TMEM131: variants seen among roughly 807,000 people sequenced by gnomAD.
TMEM131 encodes the protein 2610524E03Rik.
Under a neutral mutation model 211.6 loss-of-function variants are expected in TMEM131, and 66 were observed. The observed-to-expected ratio is 0.31, with a 90% CI of 0.26 to 0.38. TMEM131 has a LOEUF of 0.38. Ranked by LOEUF, TMEM131 falls within the 10% of genes least tolerant of loss-of-function variation. TMEM131 has a pLI of 1.00. For synonymous variants in TMEM131, 844 were observed against 841.3 expected, an observed-to-expected ratio of 1.00 and a Z score of -0.06; for missense variants, 2,036 against 2,299.3, an observed-to-expected ratio of 0.89 and a Z score of 2.34.
intron 3 of TMEM131, among the ~76,000 whole-genome samples, chr2:97,896,654 T>C (rs1287314309): frequency 6.6e-6 from 1 of 152,190 alleles, no homozygotes; most frequent in East Asian, 1.9e-4. Flanking sequence ...TGGTTTCAAG[T>C]CTGTTTCATC....
intron 29 of TMEM131, among the ~76,000 whole-genome samples, chr2:97,794,093 T>G (rs1429459736): frequency 6.6e-6 from 1 of 151,326 alleles, no homozygotes; most frequent in Non-Finnish European, 1.5e-5. Context: ...TGAGACAAAG[T>G]TTCGCTCTTA....
chr2:97,808,116 T>C (rs994571809), intron 19 of TMEM131, among the ~76,000 whole-genome samples: 3 of 152,180 alleles, frequency 2.0e-5, no homozygotes, highest in Non-Finnish European at 2.9e-5. Context: ...TTCATATACA[T>C]TTATATGCAT....
At chr2:97,823,760 C>A (rs1376394383) in intron 11 of TMEM131, among the ~76,000 whole-genome samples, 2 of 152,166 alleles carry the variant, frequency 1.3e-5, no homozygotes, top group African/African-American at 4.8e-5. Context: ...GGAAGAAAAT[C>A]CTTCTGCCTT....
intron 4 of TMEM131, among the ~76,000 whole-genome samples, chr2:97,881,519 T>C (rs2104206125): frequency 6.6e-6 from 1 of 151,932 alleles, no homozygotes; most frequent in African/African-American, 2.4e-5. Context: ...TGACTCTTTT[T>C]AGAGTAAAAA....
At chr2:97,781,475 A>C (rs1445528017) in intron 31 of TMEM131, among the ~76,000 whole-genome samples, 1 of 152,208 alleles carries the variant, frequency 6.6e-6, no homozygotes, top group Non-Finnish European at 1.5e-5. Context: ...GATTAGTACC[A>C]ATCTGTGGCT....
chr2:97,767,596 A>G (rs534261934), intron 33 of TMEM131, among the ~76,000 whole-genome samples: 23 of 152,352 alleles, frequency 1.5e-4, no homozygotes, highest in African/African-American at 5.5e-4. Context: ...ATCTTCCAAG[A>G]ATCCTCAGGG....
intron 30 of TMEM131, 176 bp from the exon 31 acceptor site, chr2:97,793,160 T>C: frequency 4.6e-6 from 3 of 645,608 alleles, no homozygotes; most frequent in Non-Finnish European, 7.7e-6. Flanking sequence ...TGAACATTTA[T>C]AATTTACCAT....
chr2:97,831,664 CTTTTTTTTTT>C (rs11378393), intron 11 of TMEM131, among the ~76,000 whole-genome samples: 3 of 80,614 alleles, frequency 3.7e-5, no homozygotes, highest in South Asian at 5.1e-4. Flanking sequence ...TCACATACCT[CTTTTTTTTTT>C]TTTTTTTTTT....
At chr2:97,985,972 A>C (rs1387628848) in intron 1 of TMEM131, among the ~76,000 whole-genome samples, 1 of 151,980 alleles carries the variant, frequency 6.6e-6, no homozygotes, top group East Asian at 1.9e-4. Context: ...GAGTTGCCTG[A>C]CAGGTATAAA....
At chr2:97,773,070 A>G (rs1679541232) in intron 32 of TMEM131, among the ~76,000 whole-genome samples, 1 of 152,180 alleles carries the variant, frequency 6.6e-6, no homozygotes, top group Non-Finnish European at 1.5e-5. Flanking sequence ...TTAAAAGAAA[A>G]GTTCAGTAGA....
At chr2:97,852,131 G>C (rs1458915770) in intron 5 of TMEM131, among the ~76,000 whole-genome samples, 2 of 151,138 alleles carry the variant, frequency 1.3e-5, no homozygotes, top group African/African-American at 2.4e-5. Context: ...TAGTGGTCTG[G>C]ATGGAAGAGC....
intron 1 of TMEM131, among the ~76,000 whole-genome samples, chr2:97,986,939 T>C (rs1680051618): frequency 6.6e-6 from 1 of 152,238 alleles, no homozygotes. Context: ...CAGAGCACCT[T>C]TGTACCATGA....
chr2:97,806,901 C>G (rs988836410), intron 19 of TMEM131, among the ~76,000 whole-genome samples: 4 of 152,186 alleles, frequency 2.6e-5, no homozygotes, highest in African/African-American at 9.6e-5. Flanking sequence ...AAACACCCGA[C>G]AGCCAGCAGA....
intron 1 of TMEM131, among the ~76,000 whole-genome samples, chr2:97,948,425 G>C (rs1678145084): frequency 6.6e-6 from 1 of 152,052 alleles, no homozygotes; most frequent in African/African-American, 2.4e-5. Context: ...AACATGAATA[G>C]CACATGAAAT....
chr2:97,935,146 T>C (rs1677388931), intron 1 of TMEM131, among the ~76,000 whole-genome samples: 1 of 152,124 alleles, frequency 6.6e-6, no homozygotes. Flanking sequence ...CTAGGCTATA[T>C]AAAGAACTCA....
At position 97,812,460 on chromosome 2, in the gene TMEM131, C is replaced by A; in HGVS notation, c.1824G>T (p.Leu608=). 6.2e-7 allele frequency: 1 copy of A among 1,612,800 alleles called. No individual in the cohort carries two copies. Among genetic ancestry groups the A allele is most frequent in the Non-Finnish European group, 8.5e-7 (1 of 1,179,550 alleles). Residue 608 remains leucine (L), a synonymous_variant, in exon 17 of 41, where the codon CTG becomes CTT. Transcript: ENST00000186436. The part of the protein sequence containing the change: ...RGNRTTIISS[L]PEFEKSSLSD... ...ATAAAGAGGATTTTTCAAACTCTGG[C>A]AGGCTTGAAATTATTGTAGTTCTAT...
intron 2 of TMEM131, among the ~76,000 whole-genome samples, chr2:97,919,548 T>C (rs553366920): frequency 1.4e-4 from 22 of 152,306 alleles, no homozygotes; most frequent in African/African-American, 4.8e-4. Flanking sequence ...CTCTAGTTGC[T>C]TTTAGAATGT....
chr2:97,863,251 A>G lies in TMEM131; in HGVS notation c.360-3824T>C, dbSNP rs150204173. 1.1e-4 allele frequency among the ~76,000 whole-genome samples: 17 copies of G among 152,364 alleles called. No individual in the cohort carries two copies. In the East Asian group the frequency reaches 3.3e-3, roughly 29 times the overall value. ...CTGAGGGATTTCACTAACATCAGAT[A>G]TATCTTACAAGAAATGCTAATGGGA... On this transcript the variant is annotated intron_variant, in intron 4 of 40. Coordinates refer to ENST00000186436, the MANE Select transcript of TMEM131 (RefSeq NM_015348.2).
chr2:97,874,184 A>G (rs1052185710), intron 4 of TMEM131, among the ~76,000 whole-genome samples: 3 of 67,156 alleles, frequency 4.5e-5, no homozygotes, highest in African/African-American at 2.2e-4. Flanking sequence ...AAAAGGAATA[A>G]AAAGGAATGA....
Sources: allele counts gnomAD v4.1 joint callset (sites outside exome capture counted in the v4.1 genomes callset), GRCh38; gene constraint gnomAD v4.1.1; transcripts MANE v1.5; gene names NCBI Gene and HGNC (gene_info 2026-07-23, HGNC 2026-07-21).